GCNT2: variants seen among roughly 807,000 people sequenced by gnomAD.
GCNT2 encodes N-acetyllactosaminide beta-1,6-N-acetylglucosaminyl-transferase.
A neutral mutation model predicts 34.2 loss-of-function variants in GCNT2; 34 were observed. The observed-to-expected ratio is 1.00, with a 90% CI of 0.76 to 1.32. GCNT2 has a LOEUF of 1.32. Among genes scored for constraint, GCNT2 ranks in the 40% most tolerant of loss-of-function variants. The probability of loss-of-function intolerance (pLI) is 0.00; values close to 1 mark genes in which losing one functional copy is unlikely to be tolerated. For synonymous variants in GCNT2, 212 were observed against 188.0 expected (o/e 1.13, Z -1.04); for missense variants, 584 against 489.4 (o/e 1.19, Z -1.82).
rs141064288 is a variant in GCNT2, at chr6:10,581,961, AAT to A, written c.926-39378_926-39377del. On this transcript the variant is annotated intron_variant, in intron 3 of 4. Coordinates refer to ENST00000495262, the MANE Select transcript of GCNT2 (RefSeq NM_145649.5). ...GTGTGAATATACATAATAAAATAGT[AAT>A]ATATATATATACACACACTTATATG... The A allele has an allele frequency of 4.2e-3, 1,856 of 441,636 alleles. 20 individuals carry two copies. Among genetic ancestry groups the A allele is most frequent in the African/African-American group, 0.023 (1,081 of 46,024 alleles). The allele number at this position is 441,636 out of a possible 1,614,324, so 27.4% of individuals were successfully genotyped here. A position where few individuals can be genotyped will look rare whatever the true frequency, so the allele number is the denominator to read the frequency against.
At chr6:10,522,676 G>A (rs532771296) in intron 1 of GCNT2, among the ~76,000 whole-genome samples, 1 of 152,296 alleles carries the variant, frequency 6.6e-6, no homozygotes, top group African/African-American at 2.4e-5. Flanking sequence ...AGAAGCTTGA[G>A]GTCTCCCTTG....
At chr6:10,590,987 A>G (rs1182019534) in intron 3 of GCNT2, among the ~76,000 whole-genome samples, 1 of 152,064 alleles carries the variant, frequency 6.6e-6, no homozygotes, top group African/African-American at 2.4e-5. Flanking sequence ...TATATGGCCC[A>G]CCTTGGAAGT....
chr6:10,557,522 C>A (rs1214406925), intron 3 of GCNT2, among the ~76,000 whole-genome samples: 1 of 151,442 alleles, frequency 6.6e-6, no homozygotes, highest in Non-Finnish European at 1.5e-5. Flanking sequence ...GGATCTCACT[C>A]TGTGGCCCAG....
intron 3 of GCNT2, among the ~76,000 whole-genome samples, chr6:10,540,074 T>C (rs1761967915): frequency 1.5e-5 from 2 of 129,382 alleles, no homozygotes; most frequent in African/African-American, 5.7e-5. Flanking sequence ...TGAGACCCCA[T>C]CTCAAAAAAA....
chr6:10,607,188 T>C (rs760723674), intron 3 of GCNT2, among the ~76,000 whole-genome samples: 35 of 152,098 alleles, frequency 2.3e-4, no homozygotes, highest in Non-Finnish European at 3.4e-4. Flanking sequence ...CCTCAGGTGA[T>C]CTGCCGAGAC....
Position 10,627,428 on chromosome 6 carries a change from C to T in GCNT2, c.*821C>T, listed in dbSNP as rs1258107689. On this transcript the variant is annotated 3_prime_UTR_variant, in exon 5 of 5. Coordinates refer to ENST00000495262, the MANE Select transcript of GCNT2 (RefSeq NM_145649.5). ...GGAACACTTTCCTCTTCTATGACCC[C>T]TCTCTCCCCAGTATTATCTTACTTG... 1 of 152,146 alleles carries T rather than the reference C, an allele frequency of 6.6e-6. No homozygotes were observed. Among genetic ancestry groups the T allele is most frequent in the East Asian group, 1.9e-4 (1 of 5,194 alleles). The allele number at this position is 152,146 out of a possible 1,614,324, so 9.4% of individuals were successfully genotyped here. A position where few individuals can be genotyped will look rare whatever the true frequency, so the allele number is the denominator to read the frequency against.
intron 3 of GCNT2, among the ~76,000 whole-genome samples, chr6:10,531,829 C>T (rs1019814222): frequency 6.7e-6 from 1 of 149,578 alleles, no homozygotes; most frequent in African/African-American, 2.5e-5. Context: ...ATTGACACAG[C>T]AGTTCCAAAG....
intron 3 of GCNT2, among the ~76,000 whole-genome samples, chr6:10,617,507 G>T (rs902423029): frequency 6.6e-6 from 1 of 152,242 alleles, no homozygotes; most frequent in African/African-American, 2.4e-5. Flanking sequence ...TGGGGCCAGA[G>T]TGGGTGCCAA....
intron 3 of GCNT2, among the ~76,000 whole-genome samples, chr6:10,595,122 CA>C (rs1764796664): frequency 6.6e-6 from 1 of 152,054 alleles, no homozygotes; most frequent in African/African-American, 2.4e-5. Flanking sequence ...TTATGACCAC[CA>C]AAAAGCTTCA....
intron 3 of GCNT2, among the ~76,000 whole-genome samples, chr6:10,593,042 T>C (rs1764717094): frequency 6.6e-6 from 1 of 152,182 alleles, no homozygotes; most frequent in Non-Finnish European, 1.5e-5. Context: ...CGCCCAGCCT[T>C]AATTAGCTGT....
At chr6:10,553,653 G>A (rs1010047568) in intron 3 of GCNT2, among the ~76,000 whole-genome samples, 1 of 152,134 alleles carries the variant, frequency 6.6e-6, no homozygotes, top group African/African-American at 2.4e-5. Flanking sequence ...CAGTACTTTG[G>A]GAGGCCAAGG....
chr6:10,567,522 T>C (rs980138184), intron 3 of GCNT2, among the ~76,000 whole-genome samples: 2 of 152,236 alleles, frequency 1.3e-5, no homozygotes, highest in African/African-American at 4.8e-5. Flanking sequence ...TCCTAAGGGA[T>C]ATCTCTAGAG....
rs1765522558 is a variant in GCNT2 at position 10,610,945 on chromosome 6, C to T, written c.926-10406C>T. ...CTTCATTTCATCTTTTCCTTTTAAACTAAGGAGTGAATTTGTTGGCAGTTA... is the reference window on the plus strand; with the variant it reads ...CTTCATTTCATCTTTTCCTTTTAAATTAAGGAGTGAATTTGTTGGCAGTTA... On this transcript the variant is annotated intron_variant, in intron 3 of 4. Transcript: ENST00000495262. 2.6e-5 allele frequency among the ~76,000 whole-genome samples: 4 copies of T among 152,116 alleles called. No individual in the cohort carries two copies. The South Asian group carries it at 8.3e-4, about 32-fold the overall frequency.
intron 3 of GCNT2, among the ~76,000 whole-genome samples, chr6:10,559,690 G>A (rs928470166): frequency 6.6e-6 from 1 of 152,250 alleles, no homozygotes; most frequent in African/African-American, 2.4e-5. Flanking sequence ...AATTAGAGGC[G>A]AGAGCTCCTC....
chr6:10,611,595 C>T (rs1765559893), intron 3 of GCNT2, among the ~76,000 whole-genome samples: 2 of 152,118 alleles, frequency 1.3e-5, no homozygotes, highest in Admixed American at 1.3e-4. Flanking sequence ...TCCCAAAGTG[C>T]TGGGATTACA....
At position 10,617,020 on chromosome 6, in the gene GCNT2, G is replaced by A. The variant is rs370286867; in HGVS notation, c.926-4331G>A. ...ACCCAGTGGATCCCGCACCAGGGCC[G>A]CAGGTGGAGCTGCCTGCCAGTCCCA... On this transcript the variant is annotated intron_variant, in intron 3 of 4. Coordinates refer to ENST00000495262, the MANE Select transcript of GCNT2 (RefSeq NM_145649.5). Among the ~76,000 whole-genome samples the A allele has an allele frequency of 2.9e-3, 443 of 152,358 alleles. 2 individuals carry two copies. Among genetic ancestry groups the A allele is most frequent in the African/African-American group, 9.8e-3 (408 of 41,598 alleles).
chr6:10,586,639 CA>C (rs755005507), intron 3 of GCNT2: 3 of 1,614,216 alleles, frequency 1.9e-6, no homozygotes, highest in East Asian at 2.2e-5. Context: ...AATATCACCC[CA>C]GGGGTGCTGC....
chr6:10,593,040 C>T (rs1234256929), intron 3 of GCNT2, among the ~76,000 whole-genome samples: 2 of 152,208 alleles, frequency 1.3e-5, no homozygotes, highest in Admixed American at 1.3e-4. Context: ...CACGCCCAGC[C>T]TTAATTAGCT....
chr6:10,584,448 T>TA (rs1386581827), intron 3 of GCNT2, among the ~76,000 whole-genome samples: 2 of 152,162 alleles, frequency 1.3e-5, no homozygotes, highest in South Asian at 2.1e-4. Context: ...GCCTTCCTCT[T>TA]ATCTCAACCG....
Sources: gnomAD v4.1 joint callset for allele counts (sites outside exome capture counted in the v4.1 genomes callset) on GRCh38, gnomAD v4.1.1 for gene constraint, MANE v1.5 for transcripts, NCBI Gene and HGNC (gene_info 2026-07-23, HGNC 2026-07-21) for gene names.